The following CDH11 variants were observed in gnomAD, a reference collection of about 807,000 sequenced individuals.
The protein encoded by CDH11 is cadherin-11.
A neutral mutation model predicts 67.8 loss-of-function variants in CDH11; 11 were observed. The observed-to-expected ratio is 0.16, with a 90% CI of 0.10 to 0.27. The LOEUF is 0.27. Ranked by LOEUF, CDH11 falls within the 10% of genes least tolerant of loss-of-function variation. The probability of loss-of-function intolerance (pLI) is 1.00; values close to 1 mark genes in which losing one functional copy is unlikely to be tolerated. For synonymous variants in CDH11, 419 were observed against 400.0 expected, an observed-to-expected ratio of 1.05 and a Z score of -0.57; for missense variants, 847 against 1,031.2, an observed-to-expected ratio of 0.82 and a Z score of 2.45.
intron 1 of CDH11, among the ~76,000 whole-genome samples, chr16:65,064,927 G>C (rs914088920): frequency 9.9e-5 from 15 of 152,188 alleles, no homozygotes; most frequent in Admixed American, 5.9e-4. Context: ...ATTATTTTAT[G>C]GACAGGGAGA....
At chr16:65,058,292 T>C (rs535588039) in intron 1 of CDH11, among the ~76,000 whole-genome samples, 3 of 152,282 alleles carry the variant, frequency 2.0e-5, no homozygotes, top group Admixed American at 6.5e-5. Flanking sequence ...TTTTGGAACA[T>C]AGTTAGTTAA....
At chr16:65,047,039 C>T (rs1465940435) in intron 2 of CDH11, among the ~76,000 whole-genome samples, 1 of 152,162 alleles carries the variant, frequency 6.6e-6, no homozygotes, top group African/African-American at 2.4e-5. Flanking sequence ...GCTTGAACCT[C>T]GGAGACAGAA....
Position 65,005,668 on chromosome 16 carries a change from G to A in CDH11, c.-172-627C>T, listed in dbSNP as rs898307725. Among the ~76,000 whole-genome samples the A allele has an allele frequency of 2.0e-5, 3 of 152,122 alleles. No individual in the cohort carries two copies. The East Asian group carries it at 5.8e-4, about 29-fold the overall frequency. On this transcript the variant is annotated intron_variant, in intron 2 of 12. Coordinates refer to ENST00000268603, the MANE Select transcript of CDH11 (RefSeq NM_001797.4). ...ATTTACAGGAGAAATAATGGATTAAGGTCTCTTTGGTAAATCAGTTAAGGG... is the reference window on the plus strand; with the variant it reads ...ATTTACAGGAGAAATAATGGATTAAAGTCTCTTTGGTAAATCAGTTAAGGG...
At chr16:65,043,687 C>A (rs1017709664) in intron 2 of CDH11, among the ~76,000 whole-genome samples, 18 of 152,184 alleles carry the variant, frequency 1.2e-4, no homozygotes, top group African/African-American at 4.1e-4. Flanking sequence ...TTGCAGTGTT[C>A]AGTGCAGAAG....
chr16:64,982,226 T>A lies in CDH11; in HGVS notation c.1075A>T (p.Ile359Phe), dbSNP rs2142460270. ...GTGTCCTTGAAAGGGCCATTGCTGA[T>A]AAACTTCGGGTCGATGTGCACGTTG... ...AANVHIDPKF[I>F]SNGPFKDTVT... The change falls in exon 8 of 13, where the codon ATC becomes TTC. Residue 359 changes from isoleucine (I) to phenylalanine (F), a missense_variant. Physicochemically the swap from Ile to Phe is conservative, Grantham distance 21 (BLOSUM62 0). Around this residue, in one of 2 missense-constraint regions of CDH11, gnomAD observed 612 missense variants for 678.7 expected, o/e 0.90. Transcript: ENST00000268603. 1 of 1,614,046 alleles carries A rather than the reference T, an allele frequency of 6.2e-7. No homozygotes were observed. The highest frequency in any genetic ancestry group is 8.5e-7 in the Non-Finnish European group (1 of 1,179,910).
chr16:64,954,770 G>A (rs555414936), intron 11 of CDH11, among the ~76,000 whole-genome samples: 41 of 152,054 alleles, frequency 2.7e-4, no homozygotes, highest in South Asian at 2.5e-3. Flanking sequence ...TCAGTATCAC[G>A]GCCTGTCCTT....
chr16:64,973,025 A>T lies in CDH11; in HGVS notation c.1269T>A (p.Arg423=). 1 of 1,613,542 alleles carries T rather than the reference A, an allele frequency of 6.2e-7. No homozygotes were observed. The highest frequency in any genetic ancestry group is 8.5e-7 in the Non-Finnish European group (1 of 1,179,726). Residue 423 remains arginine (R), a synonymous_variant, in exon 9 of 13, where the codon CGT becomes CGA. Transcript: ENST00000268603. The part of the protein sequence containing the change: ...ANSPIRYSID[R]HTDLDRFFTI... ...TGAAAAATCTGTCGAGGTCAGTGTG[A>T]CGATCGATGGAATACCTAAGCAGAA...
At chr16:65,102,017 A>G (rs1177875817) in intron 1 of CDH11, among the ~76,000 whole-genome samples, 1 of 152,238 alleles carries the variant, frequency 6.6e-6, no homozygotes, top group Admixed American at 6.5e-5. Context: ...TATTGCATTC[A>G]TACAATATAG....
At chr16:65,049,284 A>C (rs1300887257) in intron 2 of CDH11, among the ~76,000 whole-genome samples, 1 of 152,204 alleles carries the variant, frequency 6.6e-6, no homozygotes, top group Non-Finnish European at 1.5e-5. Flanking sequence ...CTCCCATCCC[A>C]GCTTGGTTAA....
chr16:65,052,088 G>A (rs975485275), intron 2 of CDH11, among the ~76,000 whole-genome samples: 3 of 152,140 alleles, frequency 2.0e-5, no homozygotes, highest in Admixed American at 2.0e-4. Context: ...CCTGTTAGCT[G>A]CTGTTATTAT....
Position 65,034,688 on chromosome 16 carries a change from A to G in CDH11, c.-173+19116T>C, listed in dbSNP as rs933901498. On this transcript the variant is annotated intron_variant, in intron 2 of 12. Transcript: ENST00000268603. Reference sequence around the variant, plus strand: ...ATGCTCAAAAAATACTATTAGCATTAGAGTCCCAGAATTAGAGCCCCGCAC... The same window carrying G: ...ATGCTCAAAAAATACTATTAGCATTGGAGTCCCAGAATTAGAGCCCCGCAC... 1.2e-4 allele frequency among the ~76,000 whole-genome samples: 19 copies of G among 152,340 alleles called. No homozygotes were observed. The East Asian group carries it at 3.5e-3, about 28-fold the overall frequency.
At chr16:65,118,193 G>T (rs918193299) in intron 1 of CDH11, among the ~76,000 whole-genome samples, 1 of 152,112 alleles carries the variant, frequency 6.6e-6, no homozygotes, top group Non-Finnish European at 1.5e-5. Context: ...GCAATCTTCC[G>T]CGAAGGAGTC....
intron 1 of CDH11, among the ~76,000 whole-genome samples, chr16:65,120,882 G>A (rs62044964): frequency 0.074 from 11,218 of 152,218 alleles, 518 homozygotes; most frequent in South Asian, 0.13. Flanking sequence ...AGCGTGAGGC[G>A]GGCCCTCCTA....
chr16:64,948,723 G>T, intron 12 of CDH11: 1 of 1,603,940 alleles, frequency 6.2e-7, no homozygotes, highest in Non-Finnish European at 8.5e-7. Flanking sequence ...GCATCAGCTG[G>T]AAGCCCAGAT....
chr16:64,966,010 A>T (rs1159631138), intron 11 of CDH11, among the ~76,000 whole-genome samples: 2 of 152,196 alleles, frequency 1.3e-5, no homozygotes, highest in Non-Finnish European at 1.5e-5. Context: ...AAAAAGAAAA[A>T]AAAAGAAGTA....
At chr16:65,031,408 C>A (rs1217813468) in intron 2 of CDH11, among the ~76,000 whole-genome samples, 1 of 151,990 alleles carries the variant, frequency 6.6e-6, no homozygotes, top group Non-Finnish European at 1.5e-5. Context: ...TGATGGGGGA[C>A]TTAGGGGGCT....
intron 4 of CDH11, among the ~76,000 whole-genome samples, chr16:64,996,421 CAG>C (rs2072766282): frequency 6.7e-6 from 1 of 148,588 alleles, no homozygotes; most frequent in African/African-American, 2.5e-5. Context: ...ACCCAGGAGG[CAG>C]AGATTGCAGT....
chr16:65,071,532 G>A (rs1378310271), intron 1 of CDH11, among the ~76,000 whole-genome samples: 1 of 152,158 alleles, frequency 6.6e-6, no homozygotes, highest in Non-Finnish European at 1.5e-5. Flanking sequence ...GCACCAATTG[G>A]TAGTCAGCTC....
chr16:64,961,072 T>A (rs148785611), intron 11 of CDH11, among the ~76,000 whole-genome samples: 2 of 152,282 alleles, frequency 1.3e-5, no homozygotes, highest in Non-Finnish European at 2.9e-5. Context: ...AGCCTTCTTT[T>A]AGGACGCTTC....
Sources: gnomAD v4.1 joint callset for allele counts (sites outside exome capture counted in the v4.1 genomes callset) on GRCh38, gnomAD v4.1.1 for gene constraint, gnomAD v4.1.1 regional missense constraint, MANE v1.5 for transcripts, NCBI Gene and HGNC (gene_info 2026-07-23, HGNC 2026-07-21) for gene names.